The following ABLIM1 variants were observed in gnomAD, a reference collection of about 807,000 sequenced individuals.
The protein encoded by ABLIM1 is actin binding LIM protein 1, also known as actin-binding LIM protein 1.
A neutral mutation model predicts 107.0 loss-of-function variants in ABLIM1; 40 were observed. The ratio of observed to expected loss-of-function variants is 0.37; its 90% CI spans 0.29 to 0.49. The LOEUF is 0.49. ABLIM1 is among the 20% of genes least tolerant of loss of function. ABLIM1 has a pLI of 0.97. For synonymous variants in ABLIM1, 357 were observed against 357.3 expected (o/e 1.00, Z 0.01); for missense variants, 857 against 1,008.5 (o/e 0.85, Z 2.04).
At position 114,610,945 on chromosome 10, in the gene ABLIM1, A is replaced by G. The variant is rs568700168; in HGVS notation, c.245-8984T>C. Among the ~76,000 whole-genome samples, 37 of 152,248 alleles carry G rather than the reference A, an allele frequency of 2.4e-4. 1 individual carries two copies. In the South Asian group the frequency reaches 7.3e-3, roughly 30 times the overall value. ...CAGGCAGGCAGATCACGAGGTCAGG[A>G]GTTAGAGACCAGCCTGGCCAACATA... On this transcript the variant is annotated intron_variant, in intron 1 of 22. Transcript: ENST00000533213.
chr10:114,760,404 TCACACACACA>T (rs3981296), intron 1 of ABLIM1, among the ~76,000 whole-genome samples: 9,077 of 143,628 alleles, frequency 0.063, 324 homozygotes, highest in Non-Finnish European at 0.083. Context: ...AATTTCTCCT[TCACACACACA>T]CACACACACA....
intron 6 of ABLIM1, among the ~76,000 whole-genome samples, chr10:114,535,337 G>A (rs2065886247): frequency 6.6e-6 from 1 of 151,726 alleles, no homozygotes; most frequent in African/African-American, 2.4e-5. Flanking sequence ...CTGAGATGTT[G>A]TCTTGCTCTG....
At chr10:114,663,760 G>A (rs1285124438) in intron 1 of ABLIM1, among the ~76,000 whole-genome samples, 1 of 152,202 alleles carries the variant, frequency 6.6e-6, no homozygotes, top group Non-Finnish European at 1.5e-5. Context: ...TGGTAATTAG[G>A]AGACAGGCTG....
At chr10:114,649,517 A>C (rs531043820) in intron 1 of ABLIM1, among the ~76,000 whole-genome samples, 9 of 151,966 alleles carry the variant, frequency 5.9e-5, no homozygotes, top group African/African-American at 2.2e-4. Flanking sequence ...CGTGCATATC[A>C]TATCATAGTC....
At chr10:114,734,039 T>C (rs2082129265) in intron 1 of ABLIM1, among the ~76,000 whole-genome samples, 2 of 152,110 alleles carry the variant, frequency 1.3e-5, no homozygotes, top group African/African-American at 2.4e-5. Flanking sequence ...TTTTGTTTTT[T>C]AGTAGAGATG....
intron 8 of ABLIM1, among the ~76,000 whole-genome samples, chr10:114,479,411 A>T (rs567704811): frequency 6.6e-6 from 1 of 152,344 alleles, no homozygotes; most frequent in East Asian, 1.9e-4. Flanking sequence ...AGATATGTGA[A>T]GCAATTCATC....
chr10:114,727,127 T>A (rs1441011964), intron 1 of ABLIM1, among the ~76,000 whole-genome samples: 1 of 152,184 alleles, frequency 6.6e-6, no homozygotes, highest in African/African-American at 2.4e-5. Flanking sequence ...ACAGGCTCAT[T>A]TAATCTCCCT....
intron 1 of ABLIM1, among the ~76,000 whole-genome samples, chr10:114,647,869 A>G (rs1268633918): frequency 6.6e-6 from 1 of 152,258 alleles, no homozygotes; most frequent in Admixed American, 6.5e-5. Context: ...GTGAATTTAC[A>G]AGCCAGCTAA....
chr10:114,436,404 T>A, intron 22 of ABLIM1, 31 bp from the exon 23 acceptor site: 1 of 1,506,520 alleles, frequency 6.6e-7, no homozygotes, highest in Non-Finnish European at 9.2e-7. Flanking sequence ...AAAGAGCTGC[T>A]GTCAGTCCTG....
chr10:114,585,175 T>A (rs78804564), intron 2 of ABLIM1, among the ~76,000 whole-genome samples: 7 of 152,176 alleles, frequency 4.6e-5, no homozygotes, highest in Non-Finnish European at 1.0e-4. Context: ...CCCCAGGGAA[T>A]TACATTTCAA....
the ABLIM1 span, among the ~76,000 whole-genome samples, chr10:114,789,791 GTTT>G: frequency 7.4e-6 from 1 of 135,042 alleles, no homozygotes. Flanking sequence ...ATGTATATTT[GTTT>G]TTTTTTTTTT....
chr10:114,539,581 G>T (rs2066414199), intron 6 of ABLIM1, among the ~76,000 whole-genome samples: 1 of 152,130 alleles, frequency 6.6e-6, no homozygotes, highest in South Asian at 2.1e-4. Flanking sequence ...ATAAATTTGG[G>T]AGTCCTTACT....
intron 6 of ABLIM1, among the ~76,000 whole-genome samples, chr10:114,493,623 A>G (rs1200424144): frequency 2.0e-5 from 3 of 152,178 alleles, no homozygotes; most frequent in Non-Finnish European, 2.9e-5. Flanking sequence ...TATAAAAACC[A>G]TTATTTCCTA....
At chr10:114,726,862 C>T (rs1018454410) in intron 1 of ABLIM1, among the ~76,000 whole-genome samples, 1 of 152,126 alleles carries the variant, frequency 6.6e-6, no homozygotes, top group African/African-American at 2.4e-5. Flanking sequence ...GATCCAGTCA[C>T]CTCCCACCAG....
chr10:114,715,240 G>T (rs574627192), intron 1 of ABLIM1, among the ~76,000 whole-genome samples: 1 of 152,234 alleles, frequency 6.6e-6, no homozygotes, highest in Admixed American at 6.6e-5. Context: ...AGCCAAGAAT[G>T]AAAATTCCAG....
chr10:114,642,121 G>C (rs1335168397), intron 1 of ABLIM1, among the ~76,000 whole-genome samples: 65 of 151,634 alleles, frequency 4.3e-4, no homozygotes, highest in Non-Finnish European at 1.5e-5. Context: ...TCGAGCTCCT[G>C]GCCTCAAGTG....
At chr10:114,439,749 T>G in intron 20 of ABLIM1, 2 of 389,854 alleles carry the variant, frequency 5.1e-6, no homozygotes, top group Non-Finnish European at 9.2e-6. Context: ...TGGCCTAAAG[T>G]ACTGAGAGAT....
intron 1 of ABLIM1, among the ~76,000 whole-genome samples, chr10:114,704,269 T>G (rs551444867): frequency 1.4e-5 from 1 of 73,762 alleles, no homozygotes; most frequent in Non-Finnish European, 2.8e-5. Context: ...TATCTCTCTC[T>G]CGCTCTCTCT....
At chr10:114,735,644 ATTG>A (rs1173556060) in intron 1 of ABLIM1, among the ~76,000 whole-genome samples, 1 of 152,102 alleles carries the variant, frequency 6.6e-6, no homozygotes, top group African/African-American at 2.4e-5. Flanking sequence ...TAATTTTTGT[ATTG>A]TTAGTACAGA....
Sources: gnomAD v4.1 joint callset for allele counts (sites outside exome capture counted in the v4.1 genomes callset) on GRCh38, gnomAD v4.1.1 for gene constraint, MANE v1.5 for transcripts, NCBI Gene and HGNC (gene_info 2026-07-23, HGNC 2026-07-21) for gene names.